The following RARB variants were observed in gnomAD, a reference collection of about 807,000 sequenced individuals.
RARB encodes the protein retinoic acid receptor beta, also known as HBV-activated protein.
RARB carries 17 observed loss-of-function variants against 51.9 expected under a neutral mutation model. The observed-to-expected ratio is 0.33, with a 90% CI of 0.22 to 0.49. RARB has a LOEUF of 0.49. Among genes scored for constraint, RARB ranks in the 20% least tolerant of loss-of-function variants. RARB has a pLI of 0.99. For missense variants in RARB, 369 were observed against 550.8 expected (o/e 0.67, Z 3.30); for synonymous variants, 215 against 195.4 (o/e 1.10, Z -0.84).
At chr3:25,156,761 G>A (rs1287738846) in intron 4 of RARB, among the ~76,000 whole-genome samples, 2 of 152,258 alleles carry the variant, frequency 1.3e-5, no homozygotes, top group African/African-American at 2.4e-5. Context: ...TTTTTAGGCT[G>A]ATTATTTTTT....
At chr3:25,495,547 C>A (rs1472584697) in intron 2 of RARB, among the ~76,000 whole-genome samples, 1 of 152,226 alleles carries the variant, frequency 6.6e-6, no homozygotes, top group Non-Finnish European at 1.5e-5. Flanking sequence ...ATAATTACTG[C>A]TAATACATGA....
chr3:25,024,709 T>C (rs1575123797), intron 2 of RARB, among the ~76,000 whole-genome samples: 1 of 152,066 alleles, frequency 6.6e-6, no homozygotes, highest in African/African-American at 2.4e-5. Context: ...CCCAGCACTT[T>C]GGGAGGCCAA....
At chr3:24,873,664 CT>C (rs572135575) in intron 2 of RARB, among the ~76,000 whole-genome samples, 3,558 of 145,986 alleles carry the variant, frequency 0.024, 79 homozygotes, top group Middle Eastern at 0.065. Flanking sequence ...TCAGTCTTCC[CT>C]TTTTTTTTTC....
At chr3:25,118,894 T>C (rs562171381) in intron 3 of RARB, among the ~76,000 whole-genome samples, 3 of 152,232 alleles carry the variant, frequency 2.0e-5, no homozygotes, top group Non-Finnish European at 4.4e-5. Context: ...AAAAAAACTT[T>C]AAAGCATCTA....
At chr3:24,978,489 T>G (rs9683105) in intron 2 of RARB, among the ~76,000 whole-genome samples, 104,638 of 152,004 alleles carry the variant, frequency 0.69, 36,418 homozygotes, top group East Asian at 0.84. Flanking sequence ...TTGGGAGGGT[T>G]TATGTGTCCA....
chr3:25,029,062 C>A (rs568948871), intron 2 of RARB, among the ~76,000 whole-genome samples: 7 of 152,334 alleles, frequency 4.6e-5, no homozygotes, highest in African/African-American at 1.7e-4. Context: ...TACCCTCAGA[C>A]AGGCTTCCTG....
chr3:25,406,280 A>G (rs779737317), intron 5 of RARB, among the ~76,000 whole-genome samples: 1 of 152,242 alleles, frequency 6.6e-6, no homozygotes, highest in Non-Finnish European at 1.5e-5. Context: ...GTATATAGGA[A>G]GGGCATTCAC....
At chr3:24,974,843 A>C (rs973725809) in intron 2 of RARB, among the ~76,000 whole-genome samples, 2 of 152,174 alleles carry the variant, frequency 1.3e-5, no homozygotes, top group African/African-American at 2.4e-5. Flanking sequence ...AGGTCTTTAG[A>C]CATAGCCGGA....
intron 2 of RARB, among the ~76,000 whole-genome samples, chr3:25,022,120 T>C (rs1053468716): frequency 6.6e-6 from 1 of 152,158 alleles, no homozygotes; most frequent in Admixed American, 6.5e-5. Context: ...CTGGAGAGCT[T>C]TGAATTTTTT....
intron 3 of RARB, among the ~76,000 whole-genome samples, chr3:25,547,727 T>G (rs570493842): frequency 1.3e-5 from 2 of 152,136 alleles, no homozygotes; most frequent in African/African-American, 4.8e-5. Context: ...TGGATGGATG[T>G]ATGGATGAGT....
intron 1 of RARB, among the ~76,000 whole-genome samples, chr3:24,842,335 C>A (rs1323280408): frequency 6.6e-6 from 1 of 152,002 alleles, no homozygotes; most frequent in Non-Finnish European, 1.5e-5. Context: ...GTTTTGATTT[C>A]TTTATTTCCT....
chr3:25,441,484 C>T lies in RARB; in HGVS notation c.157+12596C>T, dbSNP rs116140350. The T allele has an allele frequency of 4.4e-3, 733 of 166,752 alleles. 6 individuals are homozygous for T. Among genetic ancestry groups the T allele is most frequent in the African/African-American group, 0.016 (668 of 41,886 alleles). The allele number at this position is 166,752 out of a possible 1,614,324, so 10.3% of individuals were successfully genotyped here. The stretch of plus-strand genomic sequence containing the variant: ...ATGGCTTTTGTGGCCAGTTTCTTCC[C>T]GGATGCTTTTCCACGGGTTGGATTT... On this transcript the variant is annotated intron_variant, in intron 1 of 7. Transcript: ENST00000330688.
At chr3:24,868,464 T>C (rs1203984831) in intron 2 of RARB, among the ~76,000 whole-genome samples, 1 of 152,144 alleles carries the variant, frequency 6.6e-6, no homozygotes, top group East Asian at 1.9e-4. Flanking sequence ...CTCAATACTC[T>C]TGTAAACAAA....
At chr3:25,352,875 C>T (rs551040772) in intron 5 of RARB, among the ~76,000 whole-genome samples, 2 of 152,278 alleles carry the variant, frequency 1.3e-5, no homozygotes, top group South Asian at 2.1e-4. Flanking sequence ...GACTCTGCAG[C>T]GTATGAACTG....
chr3:25,500,922 A>C (rs960198796), intron 2 of RARB, among the ~76,000 whole-genome samples: 4 of 152,296 alleles, frequency 2.6e-5, no homozygotes, highest in African/African-American at 9.6e-5. Flanking sequence ...TTTCCAAGTA[A>C]ATCAGCTTGG....
At chr3:25,162,467 C>T (rs925522787) in intron 4 of RARB, among the ~76,000 whole-genome samples, 7 of 152,132 alleles carry the variant, frequency 4.6e-5, no homozygotes, top group African/African-American at 1.2e-4. Flanking sequence ...TTAAGATGCA[C>T]AATTCAGTAG....
chr3:24,987,563 A>G (rs556473377), intron 2 of RARB, among the ~76,000 whole-genome samples: 1 of 152,392 alleles, frequency 6.6e-6, no homozygotes, highest in East Asian at 1.9e-4. Context: ...CATTAGAAAT[A>G]TATTCCATTT....
chr3:24,899,019 G>A (rs550628568), intron 2 of RARB, among the ~76,000 whole-genome samples: 1 of 152,302 alleles, frequency 6.6e-6, no homozygotes, highest in South Asian at 2.1e-4. Context: ...GGTTGTCAAA[G>A]TGTGGTCCGC....
intron 3 of RARB, among the ~76,000 whole-genome samples, chr3:25,106,989 C>T (rs889788897): frequency 1.3e-5 from 2 of 152,154 alleles, no homozygotes; most frequent in East Asian, 1.9e-4. Context: ...CAACCTCCGC[C>T]TCCCGGGTTC....
Sources: gnomAD v4.1 joint callset for allele counts (sites outside exome capture counted in the v4.1 genomes callset) on GRCh38, gnomAD v4.1.1 for gene constraint, MANE v1.5 for transcripts, NCBI Gene and HGNC (gene_info 2026-07-23, HGNC 2026-07-21) for gene names.